The following B4GALNT2 variants were observed in gnomAD, a reference collection of about 807,000 sequenced individuals.
The protein encoded by B4GALNT2 is beta-1,4-N-acetyl-galactosaminyltransferase 2 (SID blood group), also known as N-acetylneuraminylgalactosylglucosyl-glucoside beta-1,4-N- acetylgalactosaminyltransferase 2.
Under a neutral mutation model 51.1 loss-of-function variants are expected in B4GALNT2, and 42 were observed. The ratio of observed to expected loss-of-function variants is 0.82; its 90% CI spans 0.64 to 1.06. B4GALNT2 has a LOEUF of 1.06. Ranked by LOEUF, B4GALNT2 falls within the 50% of genes least tolerant of loss-of-function variation. B4GALNT2 has a pLI of 0.00. For missense variants in B4GALNT2, 602 were observed against 633.6 expected, an observed-to-expected ratio of 0.95 and a Z score of 0.54; for synonymous variants, 253 against 251.7, an observed-to-expected ratio of 1.01 and a Z score of -0.05.
At position 49,155,693 on chromosome 17, in the gene B4GALNT2, A is replaced by C. The variant is rs149989985; in HGVS notation, c.461-873A>C. On this transcript the variant is annotated intron_variant, in intron 4 of 10. Coordinates refer to ENST00000393354, the MANE Select transcript of B4GALNT2 (RefSeq NM_001159387.2). ...TATATTATTATTTATAATATATAAT[A>C]TTTAAACATAAAATCAACAACTTTT... Among the ~76,000 whole-genome samples the C allele has an allele frequency of 2.4e-4, 36 of 149,056 alleles. No homozygotes were observed. The East Asian group carries it at 5.8e-3, about 24-fold the overall frequency.
At chr17:49,155,754 T>C (rs2042803610) in intron 4 of B4GALNT2, among the ~76,000 whole-genome samples, 2 of 151,554 alleles carry the variant, frequency 1.3e-5, no homozygotes, top group African/African-American at 4.8e-5. Context: ...GACGCAGTCT[T>C]GCTCTGTCGC....
chr17:49,127,900 C>A (rs2042518772), upstream of B4GALNT2, among the ~76,000 whole-genome samples: 1 of 152,118 alleles, frequency 6.6e-6, no homozygotes, highest in South Asian at 2.1e-4. Flanking sequence ...ATATATGCAC[C>A]AAGAATGGCA....
chr17:49,132,723 G>T, upstream of B4GALNT2: 2 of 1,380,080 alleles, frequency 1.4e-6, no homozygotes, highest in African/African-American at 3.1e-5. Flanking sequence ...TCGGTGCCAG[G>T]GCGGGGCAGT....
At chr17:49,162,912 CAAAAAAA>C in intron 7 of B4GALNT2, among the ~76,000 whole-genome samples, 1 of 53,634 alleles carries the variant, frequency 1.9e-5, no homozygotes, top group South Asian at 1.2e-3. Flanking sequence ...GAAACTGTCT[CAAAAAAA>C]AAAAAAAAAA....
upstream of B4GALNT2, among the ~76,000 whole-genome samples, chr17:49,130,196 G>C (rs1374395042): frequency 6.6e-6 from 1 of 152,252 alleles, no homozygotes; most frequent in Non-Finnish European, 1.5e-5. Context: ...CAAGAGTTAT[G>C]CCTGAACTAT....
intron 5 of B4GALNT2, among the ~76,000 whole-genome samples, chr17:49,157,850 C>T (rs572133122): frequency 6.6e-6 from 1 of 152,322 alleles, no homozygotes; most frequent in East Asian, 1.9e-4. Flanking sequence ...CGCTGGAATA[C>T]AAGCTTCACG....
chr17:49,167,556 C>T (rs1222035771), intron 9 of B4GALNT2, among the ~76,000 whole-genome samples: 1 of 151,792 alleles, frequency 6.6e-6, no homozygotes, highest in Non-Finnish European at 1.5e-5. Flanking sequence ...GTACCCATTA[C>T]CTGCATAACG....
At position 49,170,846 on chromosome 17, in the gene B4GALNT2, C is replaced by G. The variant is rs911053835; in HGVS notation, c.*1118C>G. 6.6e-6 allele frequency: 1 copy of G among 152,326 alleles called. No homozygotes were observed. The highest frequency in any genetic ancestry group is 6.5e-5 in the Admixed American group (1 of 15,306). 9.4% of individuals were successfully genotyped at this position (152,326 alleles called of 1,614,324 possible). A position where few individuals can be genotyped will look rare whatever the true frequency, so the allele number is the denominator to read the frequency against. On this transcript the variant is annotated 3_prime_UTR_variant, in exon 11 of 11. Coordinates refer to ENST00000393354, the MANE Select transcript of B4GALNT2 (RefSeq NM_001159387.2). Reference sequence around the variant, plus strand: ...ATTGTTTCTATAGATTATAGATAAACTAAAAGTATTCCTTACAGGAAACAA... The same window carrying G: ...ATTGTTTCTATAGATTATAGATAAAGTAAAAGTATTCCTTACAGGAAACAA...
At chr17:49,121,019 C>T in the B4GALNT2 span, among the ~76,000 whole-genome samples, 24 of 152,318 alleles carry the variant, frequency 1.6e-4, no homozygotes, top group South Asian at 1.2e-3. Context: ...TTTGTTCTCA[C>T]TTCTTCAGTC....
intron 7 of B4GALNT2, among the ~76,000 whole-genome samples, chr17:49,163,267 G>C (rs1455628740): frequency 6.6e-6 from 1 of 152,172 alleles, no homozygotes; most frequent in Non-Finnish European, 1.5e-5. Flanking sequence ...CAGGCCTTGT[G>C]ATCTCCAAGT....
rs1447368748 is a variant in B4GALNT2 at position 49,171,320 on chromosome 17, C to G, written c.*1592C>G. On this transcript the variant is annotated 3_prime_UTR_variant, in exon 11 of 11. Transcript: ENST00000393354. ...TCACAGAGCTTCCAAGTGTCTTTAT[C>G]CACTTTAATGGGTTAATATCTGCTA... 1 of 381,128 alleles carries G rather than the reference C, an allele frequency of 2.6e-6. No homozygotes were observed. The highest frequency in any genetic ancestry group is 4.9e-6 in the Non-Finnish European group (1 of 202,634). The allele number at this position is 381,128 out of a possible 1,614,324, so 23.6% of individuals were successfully genotyped here. A position where few individuals can be genotyped will look rare whatever the true frequency, so the allele number is the denominator to read the frequency against.
chr17:49,123,329 C>T, the B4GALNT2 span, among the ~76,000 whole-genome samples: 2 of 152,206 alleles, frequency 1.3e-5, no homozygotes, highest in Non-Finnish European at 2.9e-5. Flanking sequence ...AGCTAGTTTT[C>T]AGTTCATAGG....
At position 49,169,646 on chromosome 17, in the gene B4GALNT2, C is replaced by T; in HGVS notation, c.1439C>T (p.Thr480Ile). ...ELAALEKTYN[T>I]YRSNTLTRVQ... ...GCTGCCCTAGAGAAGACCTACAATA[C>T]ATACCGGTCCAACACCCTCACCCGG... Residue 480 changes from threonine (T) to isoleucine (I), a missense_variant, in exon 11 of 11, where the codon ACA becomes ATA. Thr to Ile is a moderately conservative substitution (Grantham distance 89). Transcript: ENST00000393354. 6.2e-7 allele frequency: 1 copy of T among 1,612,536 alleles called. No individual in the cohort carries two copies. The highest frequency in any genetic ancestry group is 1.1e-5 in the South Asian group (1 of 90,918).
chr17:49,148,326 G>T (rs2042716535), intron 3 of B4GALNT2: 2 of 360,194 alleles, frequency 5.6e-6, no homozygotes, highest in Admixed American at 3.4e-5. Flanking sequence ...CAAAACAAAA[G>T]TCCTCTCCAA....
chr17:49,141,589 G>A (rs1359969620), intron 2 of B4GALNT2, 142 bp downstream of exon 2: 1 of 877,690 alleles, frequency 1.1e-6, no homozygotes, highest in African/African-American at 1.7e-5. Context: ...GTGACTGCAA[G>A]CCAGGATGGG....
At chr17:49,130,384 T>A (rs61054705), upstream of B4GALNT2, among the ~76,000 whole-genome samples, 4,630 of 152,322 alleles carry the variant, frequency 0.03, 705 homozygotes, top group East Asian at 0.48. Flanking sequence ...ATGCCTGTAA[T>A]CCCAGCACTT....
chr17:49,129,618 A>ATT (rs35573556), upstream of B4GALNT2, among the ~76,000 whole-genome samples: 14 of 151,540 alleles, frequency 9.2e-5, no homozygotes, highest in African/African-American at 3.4e-4. Flanking sequence ...CTTCTGGCCG[A>ATT]TTTTTTGGTC....
intron 1 of B4GALNT2, among the ~76,000 whole-genome samples, chr17:49,140,880 AG>A (rs2042637509): frequency 6.6e-6 from 1 of 151,966 alleles, no homozygotes; most frequent in Admixed American, 6.6e-5. Context: ...CACCATGCCC[AG>A]CTAATTTTTG....
chr17:49,128,849 G>A (rs1282949549), upstream of B4GALNT2, among the ~76,000 whole-genome samples: 1 of 152,170 alleles, frequency 6.6e-6, no homozygotes, highest in Non-Finnish European at 1.5e-5. Flanking sequence ...GGATTGTTTG[G>A]TACCCATGTG....
Sources: allele counts gnomAD v4.1 joint callset (sites outside exome capture counted in the v4.1 genomes callset), GRCh38; gene constraint gnomAD v4.1.1; transcripts MANE v1.5; gene names NCBI Gene and HGNC (gene_info 2026-07-23, HGNC 2026-07-21).